The following KIAA1217 variants were observed in gnomAD, a reference collection of about 807,000 sequenced individuals.
KIAA1217 encodes the protein sickle tail protein homolog.
KIAA1217 carries 88 observed loss-of-function variants against 163.9 expected under a neutral mutation model. The observed-to-expected ratio is 0.54, with a 90% CI of 0.45 to 0.64. The LOEUF (loss-of-function observed/expected upper bound fraction) is 0.64. Among genes scored for constraint, KIAA1217 ranks in the 30% least tolerant of loss-of-function variants. The pLI is 0.00. For missense variants in KIAA1217, 2,372 were observed against 2,475.0 expected (o/e 0.96, Z 0.88); for synonymous variants, 903 against 923.1 (o/e 0.98, Z 0.39).
At chr10:24,055,801 A>C (rs1219058857) in intron 2 of KIAA1217, among the ~76,000 whole-genome samples, 4 of 152,140 alleles carry the variant, frequency 2.6e-5, no homozygotes, top group Non-Finnish European at 4.4e-5. Flanking sequence ...GAAAATCTCA[A>C]ATCTATTCTA....
At chr10:24,241,985 AGAT>A (rs775011844) in intron 2 of KIAA1217, among the ~76,000 whole-genome samples, 5 of 152,202 alleles carry the variant, frequency 3.3e-5, no homozygotes, top group Admixed American at 6.5e-5. Context: ...ATTCTATGAC[AGAT>A]GATGTCTGTG....
intron 1 of KIAA1217, among the ~76,000 whole-genome samples, chr10:23,704,202 A>ATATATATATATATG (rs1564351822): frequency 1.3e-4 from 17 of 128,368 alleles, no homozygotes; most frequent in Admixed American, 4.7e-4. Context: ...ATATATATAT[A>ATATATATATATATG]TATATATATA....
At chr10:24,052,568 A>G (rs7083088) in intron 2 of KIAA1217, among the ~76,000 whole-genome samples, 14,025 of 135,468 alleles carry the variant, frequency 0.1, 973 homozygotes, top group African/African-American at 0.22. Flanking sequence ...TTTTCATTTA[A>G]TTTCCTTGTA....
At chr10:23,724,046 A>G (rs976184362) in intron 1 of KIAA1217, among the ~76,000 whole-genome samples, 12 of 152,140 alleles carry the variant, frequency 7.9e-5, no homozygotes, top group African/African-American at 2.7e-4. Flanking sequence ...GATGCTACAC[A>G]CTAAAATTAC....
chr10:24,437,027 C>G (rs186465682), intron 4 of KIAA1217, among the ~76,000 whole-genome samples: 172 of 152,330 alleles, frequency 1.1e-3, no homozygotes, highest in African/African-American at 3.9e-3. Flanking sequence ...CCGGCCTTTA[C>G]TGTTGGTTCA....
chr10:24,200,213 AT>A (rs758463596), intron 2 of KIAA1217, among the ~76,000 whole-genome samples: 3,219 of 133,382 alleles, frequency 0.024, 77 homozygotes, highest in African/African-American at 0.069. Context: ...TTATTTTTTA[AT>A]TTTTTTTTTT....
In KIAA1217 at chr10:24,209,274, G is replaced by C. The variant is rs2067764339; in HGVS notation, c.70+11G>C. On this transcript the variant is annotated intron_variant, in intron 1 of 20. Transcript: ENST00000376454. ...GAAGACAGATGCAGGGTAAGTAACA[G>C]ACCCATTCAAAGATGGAGTTACAGG... 2.5e-6 allele frequency: 4 copies of C among 1,608,528 alleles called. No individual in the cohort carries two copies. In the East Asian group the frequency reaches 8.9e-5, roughly 36 times the overall value.
intron 3 of KIAA1217, among the ~76,000 whole-genome samples, chr10:24,401,209 A>G (rs1353784716): frequency 6.6e-6 from 1 of 151,426 alleles, no homozygotes; most frequent in Non-Finnish European, 1.5e-5. Context: ...ATATATTTTT[A>G]TCCAGCAAAA....
At chr10:24,228,657 A>G (rs2070933534) in intron 2 of KIAA1217, among the ~76,000 whole-genome samples, 1 of 152,058 alleles carries the variant, frequency 6.6e-6, no homozygotes, top group African/African-American at 2.4e-5. Context: ...TGGAAGTGGC[A>G]TATGTCACTT....
rs1323634073 is a variant in KIAA1217, at chr10:23,789,592, G to GATAC, written c.-321+94362_-321+94365dup. Reference sequence around the variant, plus strand: ...GGTGAAGTGAGTGAAGCCTTGGCAAGATACATAGCCCATTCTAGCAACTCA... The same window carrying GATAC: ...GGTGAAGTGAGTGAAGCCTTGGCAAGATACATACATAGCCCATTCTAGCAACTCA... On this transcript the variant is annotated intron_variant, in intron 1 of 18. Transcript: ENST00000376462. 4.6e-5 allele frequency among the ~76,000 whole-genome samples: 7 copies of GATAC among 152,202 alleles called. No individual in the cohort carries two copies. The East Asian group carries it at 1.4e-3, about 29-fold the overall frequency.
At chr10:24,332,390 T>C (rs2045798727) in intron 2 of KIAA1217, among the ~76,000 whole-genome samples, 1 of 152,168 alleles carries the variant, frequency 6.6e-6, no homozygotes, top group South Asian at 2.1e-4. Flanking sequence ...AGGTGAAGAA[T>C]GGCCTTGAAA....
In KIAA1217 at chr10:24,541,613, G is replaced by T. The variant is rs527340925; in HGVS notation, c.3535-1080G>T. On this transcript the variant is annotated intron_variant, in intron 17 of 20. Coordinates refer to ENST00000376454, the MANE Select transcript of KIAA1217 (RefSeq NM_019590.5). ...AATCAATCACCTCAGCATGAAGAAA[G>T]GGCAGCAGTGCCTTGGAACCGACAA... is the stretch of plus-strand genomic sequence containing the variant. 3.3e-5 allele frequency among the ~76,000 whole-genome samples: 5 copies of T among 152,278 alleles called. No homozygotes were observed. The South Asian group carries it at 8.3e-4, about 25-fold the overall frequency.
chr10:23,720,318 CTATG>C (rs1837804985), intron 1 of KIAA1217, among the ~76,000 whole-genome samples: 1 of 152,050 alleles, frequency 6.6e-6, no homozygotes, highest in Admixed American at 6.6e-5. Context: ...AATTGTAAAA[CTATG>C]TGTGTCACTT....
intron 1 of KIAA1217, among the ~76,000 whole-genome samples, chr10:23,726,317 T>C (rs1838130337): frequency 6.6e-6 from 1 of 151,152 alleles, no homozygotes; most frequent in Non-Finnish European, 1.5e-5. Context: ...TTTTTTTTTT[T>C]AGACAAATCA....
At chr10:24,425,565 A>T (rs181150566) in intron 3 of KIAA1217, among the ~76,000 whole-genome samples, 1 of 152,312 alleles carries the variant, frequency 6.6e-6, no homozygotes, top group Admixed American at 6.5e-5. Context: ...TCACATTGCC[A>T]TATTCTCTTA....
intron 1 of KIAA1217, among the ~76,000 whole-genome samples, chr10:23,903,733 A>G (rs911285227): frequency 6.6e-6 from 1 of 152,074 alleles, no homozygotes; most frequent in Non-Finnish European, 1.5e-5. Context: ...GCAAGGTAGG[A>G]GACAGAGTGA....
intron 1 of KIAA1217, among the ~76,000 whole-genome samples, chr10:23,831,204 T>G (rs75179055): frequency 0.033 from 5,032 of 152,054 alleles, 118 homozygotes; most frequent in South Asian, 0.068. Context: ...TAGACAATGA[T>G]TTTGTGGATA....
chr10:24,076,305 T>A (rs1045665982), intron 2 of KIAA1217, among the ~76,000 whole-genome samples: 1 of 152,200 alleles, frequency 6.6e-6, no homozygotes, highest in African/African-American at 2.4e-5. Flanking sequence ...CTTACTGATA[T>A]TATACAGAGT....
chr10:23,986,031 C>T (rs952066386), intron 1 of KIAA1217, among the ~76,000 whole-genome samples: 3 of 152,176 alleles, frequency 2.0e-5, no homozygotes, highest in African/African-American at 7.2e-5. Flanking sequence ...AATGTATCTT[C>T]GTTCTAATAT....
Sources: allele counts gnomAD v4.1 joint callset (sites outside exome capture counted in the v4.1 genomes callset), GRCh38; gene constraint gnomAD v4.1.1; transcripts MANE v1.5; gene names NCBI Gene and HGNC (gene_info 2026-07-23, HGNC 2026-07-21).